Variants in MAGI3 observed in about 807,000 individuals in gnomAD.
MAGI3 encodes membrane associated guanylate kinase, WW and PDZ domain containing 3.
Under a neutral mutation model 121.8 loss-of-function variants are expected in MAGI3, and 43 were observed. The ratio of observed to expected loss-of-function variants is 0.35; its 90% confidence interval spans 0.28 to 0.46. The LOEUF (loss-of-function observed/expected upper bound fraction) is 0.46. Ranked by LOEUF, MAGI3 falls within the 20% of genes least tolerant of loss-of-function variation. MAGI3 has a pLI of 1.00. For missense variants in MAGI3, 1,547 were observed against 1,797.3 expected (o/e 0.86, Z 2.52); for synonymous variants, 553 against 639.3 (o/e 0.86, Z 2.04).
At chr1:113,647,934 TCCCCTGAGAC>T (rs1652940817) in intron 12 of MAGI3, among the ~76,000 whole-genome samples, 1 of 146,964 alleles carries the variant, frequency 6.8e-6, no homozygotes. Flanking sequence ...TTTTTTTTTT[TCCCCTGAGAC>T]AGAGTCTTGC....
intron 1 of MAGI3, among the ~76,000 whole-genome samples, chr1:113,475,879 C>G (rs1349573027): frequency 6.6e-6 from 1 of 152,072 alleles, no homozygotes; most frequent in Non-Finnish European, 1.5e-5. Context: ...GGTTGGTAGG[C>G]TATTAATTTT....
At chr1:113,659,812 C>G (rs1419327861) in intron 16 of MAGI3, among the ~76,000 whole-genome samples, 2 of 152,192 alleles carry the variant, frequency 1.3e-5, no homozygotes, top group Admixed American at 6.5e-5. Context: ...AATGTCTTGC[C>G]TTGCTGTAAA....
At chr1:113,484,999 T>C (rs1173384139) in intron 1 of MAGI3, among the ~76,000 whole-genome samples, 1 of 151,972 alleles carries the variant, frequency 6.6e-6, no homozygotes, top group African/African-American at 2.4e-5. Context: ...CCCAAAGTGC[T>C]GGGATTACAG....
At chr1:113,618,514 A>AT (rs752078091) in intron 7 of MAGI3, 29 of 444,094 alleles carry the variant, frequency 6.5e-5, no homozygotes, top group African/African-American at 1.0e-4. Context: ...TTTATTTTTT[A>AT]TTTTTTTTGC....
chr1:113,661,719 G>C (rs921611541), intron 16 of MAGI3, among the ~76,000 whole-genome samples: 1 of 151,838 alleles, frequency 6.6e-6, no homozygotes, highest in African/African-American at 2.4e-5. Context: ...ACGTCAGTTT[G>C]TGTGCAGAGA....
intron 1 of MAGI3, among the ~76,000 whole-genome samples, chr1:113,474,991 C>G (rs1213028048): frequency 6.6e-6 from 1 of 152,116 alleles, no homozygotes; most frequent in East Asian, 1.9e-4. Context: ...ATTTTATTCT[C>G]TTTGTAGCAA....
At chr1:113,515,123 A>G (rs1657822639) in intron 1 of MAGI3, among the ~76,000 whole-genome samples, 1 of 152,148 alleles carries the variant, frequency 6.6e-6, no homozygotes, top group Non-Finnish European at 1.5e-5. Context: ...AAATGTAGAT[A>G]TGAGAAGGAG....
At chr1:113,539,836 T>C (rs1413653856) in intron 1 of MAGI3, among the ~76,000 whole-genome samples, 1 of 151,764 alleles carries the variant, frequency 6.6e-6, no homozygotes, top group Non-Finnish European at 1.5e-5. Context: ...TTCCCCATGC[T>C]GGAGTGCAGT....
chr1:113,450,552 G>T, intron 1 of MAGI3: 1 of 1,038,642 alleles, frequency 9.6e-7, no homozygotes, highest in Non-Finnish European at 1.5e-6. Context: ...GGAAATTTTG[G>T]CGGTGGTAAC....
intron 1 of MAGI3, among the ~76,000 whole-genome samples, chr1:113,435,743 A>G (rs1192281820): frequency 1.3e-5 from 2 of 152,144 alleles, no homozygotes; most frequent in African/African-American, 4.8e-5. Context: ...GAGATTTGAA[A>G]TATTACAAAA....
At chr1:113,496,456 G>A (rs1430005884) in intron 1 of MAGI3, among the ~76,000 whole-genome samples, 3 of 152,122 alleles carry the variant, frequency 2.0e-5, no homozygotes, top group Non-Finnish European at 4.4e-5. Flanking sequence ...AAATGTGACC[G>A]TCAGCACTAA....
intron 1 of MAGI3, among the ~76,000 whole-genome samples, chr1:113,523,337 G>A (rs565089852): frequency 3.9e-5 from 6 of 152,312 alleles, no homozygotes; most frequent in South Asian, 2.1e-4. Context: ...TGGAAGTGAC[G>A]TTGGAACTTG....
At chr1:113,681,075 A>G in intron 19 of MAGI3, 123 bp from the exon 20 acceptor site, 1 of 1,073,790 alleles carries the variant, frequency 9.3e-7, no homozygotes, top group Non-Finnish European at 1.3e-6. Context: ...TACTGGGTAC[A>G]CGTTAGGTAT....
chr1:113,602,187 C>T (rs1451553720), intron 6 of MAGI3, among the ~76,000 whole-genome samples: 1 of 151,932 alleles, frequency 6.6e-6, no homozygotes, highest in Non-Finnish European at 1.5e-5. Context: ...CTAACCTGCA[C>T]ATTGTGCACA....
chr1:113,482,944 C>G (rs1169368112), intron 1 of MAGI3, among the ~76,000 whole-genome samples: 1 of 151,858 alleles, frequency 6.6e-6, no homozygotes, highest in Non-Finnish European at 1.5e-5. Context: ...TAGCTGGGAC[C>G]ACAGGCATGC....
Position 113,391,287 on chromosome 1 carries a change from G to C in MAGI3, c.254G>C (p.Arg85Pro). The C allele has an allele frequency of 6.3e-7, 1 of 1,593,796 alleles. No homozygotes were observed. Among genetic ancestry groups the C allele is most frequent in the Non-Finnish European group, 8.5e-7 (1 of 1,171,298 alleles). The change falls in exon 1 of 21, where the codon CGG (arginine) becomes CCG (proline). Residue 85 changes from arginine (R) to proline (P), a missense_variant. Physicochemically the swap from Arg to Pro is moderately radical, Grantham distance 103. Coordinates refer to ENST00000307546, the MANE Select transcript of MAGI3 (RefSeq NM_001142782.2). The surrounding 1 kb of genome is among the most constrained non-coding windows in gnomAD (Gnocchi z 4.4). ...ACGCCTGTCAGCGGGCTCACCAACCGGGACACCCTGGCTGTCATCCGCCAC... is the reference window on the plus strand; with the variant it reads ...ACGCCTGTCAGCGGGCTCACCAACCCGGACACCCTGGCTGTCATCCGCCAC... ...NGTPVSGLTN[R>P]DTLAVIRHFR...
At chr1:113,551,699 T>G (rs1256534028) in intron 2 of MAGI3, among the ~76,000 whole-genome samples, 1 of 152,198 alleles carries the variant, frequency 6.6e-6, no homozygotes, top group Admixed American at 6.5e-5. Context: ...AAATTTTTAT[T>G]GATGTGATCA....
chr1:113,647,921 C>G (rs1313602640), intron 12 of MAGI3, among the ~76,000 whole-genome samples: 4 of 89,444 alleles, frequency 4.5e-5, no homozygotes, highest in African/African-American at 2.3e-4. Flanking sequence ...ACTGATGACT[C>G]TTTTTTTTTT....
chr1:113,450,705 G>T, intron 1 of MAGI3: 1 of 1,128,676 alleles, frequency 8.9e-7, no homozygotes. Flanking sequence ...GGTGGTGGAA[G>T]TGGTGGATAT....
Sources: allele counts gnomAD v4.1 joint callset (sites outside exome capture counted in the v4.1 genomes callset), GRCh38; gene constraint gnomAD v4.1.1; non-coding constraint Gnocchi (gnomAD v3.1); transcripts MANE v1.5; gene names NCBI Gene and HGNC (gene_info 2026-07-23, HGNC 2026-07-21).